XYLT1: variants seen among roughly 807,000 people sequenced by gnomAD.
XYLT1 encodes beta-D-xylosyltransferase 1.
Under a neutral mutation model 91.3 loss-of-function variants are expected in XYLT1, and 36 were observed. The observed-to-expected ratio is 0.39, with a 90% CI of 0.30 to 0.52. XYLT1 has a LOEUF of 0.52. Among genes scored for constraint, XYLT1 ranks in the 20% least tolerant of loss-of-function variants. The pLI is 0.68. For synonymous variants in XYLT1, 588 were observed against 532.0 expected (o/e 1.11, Z -1.45); for missense variants, 1,242 against 1,284.5 (o/e 0.97, Z 0.51).
intron 1 of XYLT1, among the ~76,000 whole-genome samples, chr16:17,456,893 G>C (rs1344790721): frequency 6.6e-6 from 1 of 152,158 alleles, no homozygotes; most frequent in Non-Finnish European, 1.5e-5. Context: ...TGATAATCTA[G>C]GAGACGCTGC....
intron 2 of XYLT1, among the ~76,000 whole-genome samples, chr16:17,337,464 C>T (rs142755110): frequency 0.013 from 2,029 of 152,264 alleles, 47 homozygotes; most frequent in African/African-American, 0.046. Context: ...GGATTACAGG[C>T]GTGAGCCACC....
At chr16:17,371,177 C>G (rs1469408329) in intron 1 of XYLT1, among the ~76,000 whole-genome samples, 2 of 152,206 alleles carry the variant, frequency 1.3e-5, no homozygotes, top group Non-Finnish European at 2.9e-5. Context: ...AAAGTTGACT[C>G]CCATGGATAG....
chr16:17,304,664 T>TC (rs529599529), intron 2 of XYLT1, among the ~76,000 whole-genome samples: 6 of 152,188 alleles, frequency 3.9e-5, no homozygotes, highest in Admixed American at 1.3e-4. Context: ...ATTTTTTTTT[T>TC]CCCACAAAAA....
At chr16:17,221,580 G>C (rs2032968525) in intron 3 of XYLT1, among the ~76,000 whole-genome samples, 1 of 152,106 alleles carries the variant, frequency 6.6e-6, no homozygotes, top group Admixed American at 6.5e-5. Context: ...AATGTATTAA[G>C]AATATGTTTT....
intron 1 of XYLT1, among the ~76,000 whole-genome samples, chr16:17,372,984 C>T (rs892134209): frequency 2.0e-5 from 3 of 152,094 alleles, no homozygotes; most frequent in Admixed American, 1.3e-4. Flanking sequence ...CGTTCTTGAC[C>T]TCACATGTAC....
chr16:17,372,310 T>C (rs138435522), intron 1 of XYLT1, among the ~76,000 whole-genome samples: 4 of 152,368 alleles, frequency 2.6e-5, no homozygotes, highest in African/African-American at 9.6e-5. Context: ...AGTGCACTAA[T>C]CTTTTCAATC....
chr16:17,157,749 T>C (rs898756685), intron 6 of XYLT1, among the ~76,000 whole-genome samples: 5 of 140,036 alleles, frequency 3.6e-5, no homozygotes, highest in African/African-American at 1.7e-4. Context: ...TGGTGTTTTC[T>C]TTTTTTGTTT....
chr16:17,456,398 T>C (rs1205210770), intron 1 of XYLT1, among the ~76,000 whole-genome samples: 1 of 143,404 alleles, frequency 7.0e-6, no homozygotes, highest in African/African-American at 2.6e-5. Flanking sequence ...AGTGCAGTGG[T>C]GCGATCACGG....
At chr16:17,322,583 C>T (rs996911983) in intron 2 of XYLT1, among the ~76,000 whole-genome samples, 9 of 152,214 alleles carry the variant, frequency 5.9e-5, no homozygotes, top group African/African-American at 2.2e-4. Context: ...GCCTCAGGAC[C>T]TCTGCACATG....
intron 1 of XYLT1, among the ~76,000 whole-genome samples, chr16:17,454,154 T>C (rs1166293596): frequency 6.6e-6 from 1 of 152,240 alleles, no homozygotes; most frequent in Admixed American, 6.5e-5. Flanking sequence ...GTTAAATTAA[T>C]TCCGCTCCTA....
At chr16:17,146,118 C>G (rs1007647960) in intron 6 of XYLT1, among the ~76,000 whole-genome samples, 7 of 151,678 alleles carry the variant, frequency 4.6e-5, no homozygotes, top group African/African-American at 1.7e-4. Flanking sequence ...ACCGGGCTTC[C>G]CACAAATCCA....
intron 3 of XYLT1, among the ~76,000 whole-genome samples, chr16:17,235,247 C>T (rs1392240530): frequency 6.6e-6 from 1 of 151,556 alleles, no homozygotes; most frequent in Non-Finnish European, 1.5e-5. Flanking sequence ...AAGTCATACA[C>T]AAGTTGAGAC....
intron 3 of XYLT1, among the ~76,000 whole-genome samples, chr16:17,222,755 A>G (rs1211845934): frequency 1.4e-5 from 2 of 142,462 alleles, no homozygotes; most frequent in African/African-American, 5.4e-5. Context: ...GTGCCACAGC[A>G]CTCCAGCCTG....
Position 17,127,795 on chromosome 16 carries a change from A to C in XYLT1, c.2094T>G (p.Phe698Leu), listed in dbSNP as rs2030314795. Reference protein sequence around the residue: ...LYFLADRFQGFLIKHHATNLA... With the variant: ...LYFLADRFQGLLIKHHATNLA... ...GATTGGTAGCATGATGCTTGATCAG[A>C]AAGCCCTGGAAGCGGTCAGCAAGGA... The change falls in exon 10 of 12, where the codon TTT becomes TTG. Residue 698 changes from phenylalanine (F) to leucine (L), a missense_variant. By Grantham distance (22) the Phe-to-Leu change is conservative (BLOSUM62 0). Coordinates refer to ENST00000261381, the MANE Select transcript of XYLT1 (RefSeq NM_022166.4). 1.9e-6 allele frequency: 3 copies of C among 1,614,004 alleles called. No individual in the cohort carries two copies. In the South Asian group the frequency reaches 3.3e-5, roughly 18 times the overall value.
At chr16:17,332,484 C>T (rs890751808) in intron 2 of XYLT1, among the ~76,000 whole-genome samples, 7 of 151,910 alleles carry the variant, frequency 4.6e-5, no homozygotes, top group Non-Finnish European at 4.4e-5. Context: ...ATCACTTGGA[C>T]CCGGGAAGCG....
intron 3 of XYLT1, among the ~76,000 whole-genome samples, chr16:17,244,246 T>A (rs1435825095): frequency 1.3e-5 from 2 of 151,956 alleles, no homozygotes; most frequent in Non-Finnish European, 2.9e-5. Flanking sequence ...TCGACCTGGG[T>A]CAGAATCCCT....
intron 2 of XYLT1, among the ~76,000 whole-genome samples, chr16:17,281,608 C>A (rs538204633): frequency 6.6e-6 from 1 of 152,334 alleles, no homozygotes; most frequent in East Asian, 1.9e-4. Context: ...AGGCTCTGAA[C>A]CCAGAGAGTC....
At chr16:17,212,095 G>A (rs1336515843) in intron 3 of XYLT1, among the ~76,000 whole-genome samples, 2 of 152,218 alleles carry the variant, frequency 1.3e-5, no homozygotes. Context: ...TGTGGTCTCT[G>A]ATGAGCAGCA....
intron 6 of XYLT1, among the ~76,000 whole-genome samples, chr16:17,157,853 A>T (rs2031448072): frequency 6.6e-6 from 1 of 152,108 alleles, no homozygotes. Flanking sequence ...GGTTCAAGTG[A>T]TTCTCCTGTC....
Sources: allele counts gnomAD v4.1 joint callset (sites outside exome capture counted in the v4.1 genomes callset), GRCh38; gene constraint gnomAD v4.1.1; transcripts MANE v1.5; gene names NCBI Gene and HGNC (gene_info 2026-07-23, HGNC 2026-07-21).